CTNNA2: variants seen among roughly 807,000 people sequenced by gnomAD.
CTNNA2 encodes catenin alpha 2.
Under a neutral mutation model 101.0 loss-of-function variants are expected in CTNNA2, and 42 were observed. The ratio of observed to expected loss-of-function variants is 0.42; its 90% CI spans 0.32 to 0.54. The LOEUF is 0.54. Ranked by LOEUF, CTNNA2 falls within the 20% of genes least tolerant of loss-of-function variation. The pLI is 0.14. For synonymous variants in CTNNA2, 450 were observed against 456.4 expected (o/e 0.99, Z 0.18); for missense variants, 871 against 1,223.1 (o/e 0.71, Z 4.29).
intron 7 of CTNNA2, among the ~76,000 whole-genome samples, chr2:80,023,863 G>A (rs192459536): frequency 2.2e-4 from 33 of 152,142 alleles, no homozygotes; most frequent in South Asian, 1.7e-3. Context: ...CGAGGCGGGC[G>A]GATCACGAGG....
At chr2:80,537,785 G>T (rs1691171169) in intron 9 of CTNNA2, among the ~76,000 whole-genome samples, 1 of 151,902 alleles carries the variant, frequency 6.6e-6, no homozygotes, top group African/African-American at 2.4e-5. Context: ...TAGAGGTGGG[G>T]TTTCTCCATG....
At chr2:79,430,619 T>C (rs904820460) in intron 4 of CTNNA2, among the ~76,000 whole-genome samples, 2 of 152,186 alleles carry the variant, frequency 1.3e-5, no homozygotes, top group East Asian at 3.9e-4. Context: ...TTTGCATATA[T>C]TATTTTACTT....
chr2:79,673,225 C>T lies in CTNNA2; in HGVS notation c.102+21567C>T, dbSNP rs1051175093. 1.5e-4 allele frequency among the ~76,000 whole-genome samples: 22 copies of T among 151,446 alleles called. No homozygotes were observed. The South Asian group carries it at 1.7e-3, about 11-fold the overall frequency. On this transcript the variant is annotated intron_variant, in intron 2 of 18. Transcript: ENST00000402739. Reference sequence around the variant, plus strand: ...ACAATTAACATATTTTTGTGTGTGCCGTGATTGGTTGACTTTATAGAGCAA... The same window carrying T: ...ACAATTAACATATTTTTGTGTGTGCTGTGATTGGTTGACTTTATAGAGCAA...
intron 15 of CTNNA2, among the ~76,000 whole-genome samples, chr2:80,592,310 C>T (rs376095852): frequency 2.0e-5 from 3 of 152,272 alleles, no homozygotes; most frequent in African/African-American, 7.2e-5. Context: ...CAATTCTCTA[C>T]TCATCCAGGC....
At chr2:80,501,896 G>A (rs1388025265) in intron 9 of CTNNA2, among the ~76,000 whole-genome samples, 1 of 152,132 alleles carries the variant, frequency 6.6e-6, no homozygotes, top group Admixed American at 6.5e-5. Context: ...GTTGCATGGG[G>A]TACCAGTACT....
chr2:80,212,629 A>T (rs552410716), intron 7 of CTNNA2, among the ~76,000 whole-genome samples: 1 of 152,302 alleles, frequency 6.6e-6, no homozygotes, highest in South Asian at 2.1e-4. Context: ...CCAGTATTTT[A>T]TTGAGGATTT....
At chr2:79,553,371 C>A (rs1674235545) in intron 1 of CTNNA2, among the ~76,000 whole-genome samples, 1 of 152,184 alleles carries the variant, frequency 6.6e-6, no homozygotes, top group African/African-American at 2.4e-5. Flanking sequence ...CAACCTCTTC[C>A]CGTTACCTAG....
chr2:80,559,423 G>T (rs3770310), intron 12 of CTNNA2, among the ~76,000 whole-genome samples: 2 of 152,002 alleles, frequency 1.3e-5, no homozygotes, highest in African/African-American at 4.8e-5. Flanking sequence ...GGCTGCCCTC[G>T]CTGAGTGGCT....
At chr2:80,567,331 G>C (rs1694149184) in intron 12 of CTNNA2, among the ~76,000 whole-genome samples, 2 of 151,702 alleles carry the variant, frequency 1.3e-5, no homozygotes, top group Non-Finnish European at 2.9e-5. Flanking sequence ...ATGTGTTATG[G>C]CTTCAGTTTG....
chr2:80,382,901 A>G lies in CTNNA2; in HGVS notation c.1057-10310A>G, dbSNP rs528121677. ...GGAACTTTTAATTTCATTGAAATTT[A>G]AATTATTTATTCAGTTTGGGTATGT... is the stretch of plus-strand genomic sequence containing the variant. On this transcript the variant is annotated intron_variant, in intron 7 of 18. Transcript: ENST00000402739. Among the ~76,000 whole-genome samples the G allele has an allele frequency of 2.0e-5, 3 of 152,348 alleles. No individual in the cohort carries two copies. In the East Asian group the frequency reaches 5.8e-4, roughly 29 times the overall value.
At chr2:79,314,719 G>A (rs554478992) in intron 3 of CTNNA2, among the ~76,000 whole-genome samples, 23 of 152,310 alleles carry the variant, frequency 1.5e-4, no homozygotes, top group African/African-American at 5.1e-4. Flanking sequence ...TTGGCTCAGT[G>A]TGATCAGTTT....
At chr2:80,198,163 A>G (rs1706959221) in intron 7 of CTNNA2, among the ~76,000 whole-genome samples, 1 of 152,220 alleles carries the variant, frequency 6.6e-6, no homozygotes, top group African/African-American at 2.4e-5. Context: ...AGGAGCTGGT[A>G]GTGAGCCCAT....
intron 4 of CTNNA2, among the ~76,000 whole-genome samples, chr2:79,481,666 T>C (rs1459575075): frequency 6.6e-6 from 1 of 152,196 alleles, no homozygotes; most frequent in Non-Finnish European, 1.5e-5. Flanking sequence ...ACCTTGATTG[T>C]GGCTATGGTT....
At chr2:79,911,805 A>G (rs187216274) in intron 7 of CTNNA2, among the ~76,000 whole-genome samples, 30 of 152,330 alleles carry the variant, frequency 2.0e-4, no homozygotes, top group Non-Finnish European at 3.1e-4. Context: ...ACTGTATAAC[A>G]TTTAGTTGGA....
chr2:80,498,781 C>G (rs1687657130), intron 9 of CTNNA2, among the ~76,000 whole-genome samples: 1 of 152,170 alleles, frequency 6.6e-6, no homozygotes, highest in Admixed American at 6.5e-5. Flanking sequence ...CACAACATCC[C>G]TGATATATTT....
chr2:80,559,654 C>T (rs1693367176), intron 12 of CTNNA2, among the ~76,000 whole-genome samples: 1 of 152,052 alleles, frequency 6.6e-6, no homozygotes, highest in Non-Finnish European at 1.5e-5. Context: ...ATAAAACAAT[C>T]TAGGCTGATG....
At chr2:80,156,983 T>C (rs1286836520) in intron 7 of CTNNA2, among the ~76,000 whole-genome samples, 1 of 152,210 alleles carries the variant, frequency 6.6e-6, no homozygotes, top group Non-Finnish European at 1.5e-5. Flanking sequence ...TACTTCTTGC[T>C]CTACCCCTCT....
chr2:79,401,348 T>A (rs928749898), intron 4 of CTNNA2, among the ~76,000 whole-genome samples: 3 of 151,480 alleles, frequency 2.0e-5, no homozygotes, highest in Non-Finnish European at 3.0e-5. Flanking sequence ...TATATTTTTT[T>A]AAAACACTTT....
intron 2 of CTNNA2, among the ~76,000 whole-genome samples, chr2:79,669,707 C>T (rs1202343102): frequency 6.6e-6 from 1 of 152,186 alleles, no homozygotes; most frequent in Non-Finnish European, 1.5e-5. Flanking sequence ...GTCGTCTCTG[C>T]AGCTCTCAGT....
Sources: gnomAD v4.1 joint callset for allele counts (sites outside exome capture counted in the v4.1 genomes callset) on GRCh38, gnomAD v4.1.1 for gene constraint, MANE v1.5 for transcripts, NCBI Gene and HGNC (gene_info 2026-07-23, HGNC 2026-07-21) for gene names.